The following TMCC1 variants were observed in gnomAD, a reference collection of about 807,000 sequenced individuals.
TMCC1 encodes the protein transmembrane and coiled-coil domain family 1, also known as transmembrane and coiled-coil domains protein 1.
TMCC1 carries 15 observed loss-of-function variants against 52.4 expected under a neutral mutation model. The observed-to-expected ratio is 0.29, with a 90% confidence interval of 0.19 to 0.44. TMCC1 has a LOEUF of 0.44. Ranked by LOEUF, TMCC1 falls within the 20% of genes least tolerant of loss-of-function variation. The probability of loss-of-function intolerance (pLI) is 1.00; values close to 1 mark genes in which losing one functional copy is unlikely to be tolerated. For synonymous variants in TMCC1, 279 were observed against 301.9 expected (o/e 0.92, Z 0.79); for missense variants, 503 against 806.0 (o/e 0.62, Z 4.55).
chr3:129,705,592 C>T (rs185118293), intron 4 of TMCC1, among the ~76,000 whole-genome samples: 67 of 151,724 alleles, frequency 4.4e-4, no homozygotes, highest in African/African-American at 1.6e-3. Flanking sequence ...TTATACTTAA[C>T]CTATTTGAAA....
At chr3:129,735,515 G>A (rs2050882419) in intron 4 of TMCC1, among the ~76,000 whole-genome samples, 1 of 151,860 alleles carries the variant, frequency 6.6e-6, no homozygotes, top group Non-Finnish European at 1.5e-5. Context: ...CAGGTGTTGT[G>A]GCACGCACCT....
chr3:129,660,121 C>T (rs1203169708), intron 5 of TMCC1, among the ~76,000 whole-genome samples: 2 of 152,098 alleles, frequency 1.3e-5, no homozygotes, highest in Non-Finnish European at 2.9e-5. Context: ...TCACTGATTC[C>T]CACTTCTGAC....
chr3:129,829,934 C>A (rs987356704), intron 3 of TMCC1, among the ~76,000 whole-genome samples: 7 of 152,198 alleles, frequency 4.6e-5, no homozygotes, highest in Middle Eastern at 3.2e-3. Context: ...TGTCCATATT[C>A]TTTCATGCCT....
At chr3:129,829,292 T>C (rs1227670380) in intron 3 of TMCC1, among the ~76,000 whole-genome samples, 1 of 151,882 alleles carries the variant, frequency 6.6e-6, no homozygotes, top group Non-Finnish European at 1.5e-5. Flanking sequence ...CATATATCCA[T>C]ACAAACTCAA....
At chr3:129,655,197 G>C in intron 5 of TMCC1, 94 bp from the exon 6 acceptor site, 1 of 1,447,578 alleles carries the variant, frequency 6.9e-7, no homozygotes, top group South Asian at 1.3e-5. Context: ...ATTCTACAAA[G>C]GAATAGAAGC....
intron 4 of TMCC1, among the ~76,000 whole-genome samples, chr3:129,777,839 C>T (rs1242037069): frequency 6.6e-6 from 1 of 152,112 alleles, no homozygotes; most frequent in African/African-American, 2.4e-5. Context: ...ACGAAAAATG[C>T]CAGAATATTT....
chr3:129,809,052 C>T (rs1030446016), intron 4 of TMCC1, among the ~76,000 whole-genome samples: 23 of 151,484 alleles, frequency 1.5e-4, no homozygotes, highest in Admixed American at 1.4e-3. Flanking sequence ...GGCTAACCAT[C>T]CTGGCTAACA....
intron 4 of TMCC1, among the ~76,000 whole-genome samples, chr3:129,793,079 A>C (rs1197810453): frequency 6.6e-6 from 1 of 152,144 alleles, no homozygotes; most frequent in Admixed American, 6.5e-5. Flanking sequence ...AATGTACTAT[A>C]TATATGAAAA....
intron 1 of TMCC1, among the ~76,000 whole-genome samples, chr3:129,888,317 T>C (rs377175681): frequency 3.3e-5 from 5 of 152,214 alleles, no homozygotes; most frequent in Non-Finnish European, 7.3e-5. Context: ...TAGAAACATA[T>C]ATAGATATGT....
intron 4 of TMCC1, among the ~76,000 whole-genome samples, chr3:129,805,417 C>G (rs978814141): frequency 1.3e-5 from 2 of 152,128 alleles, no homozygotes; most frequent in Non-Finnish European, 2.9e-5. Flanking sequence ...CCTACCTTGG[C>G]CTCCTAAAGT....
chr3:129,798,523 C>T (rs1440609013), intron 4 of TMCC1, among the ~76,000 whole-genome samples: 1 of 89,764 alleles, frequency 1.1e-5, no homozygotes, highest in Non-Finnish European at 1.8e-5. Context: ...TTCTTCCTAT[C>T]CAAAAAAAAA....
intron 4 of TMCC1, among the ~76,000 whole-genome samples, chr3:129,796,614 G>A (rs979838226): frequency 3.3e-5 from 5 of 152,152 alleles, no homozygotes; most frequent in African/African-American, 1.2e-4. Flanking sequence ...GACACCAGGA[G>A]TTCAAGACCA....
intron 4 of TMCC1, chr3:129,819,885 T>C (rs977284414): frequency 4.6e-5 from 7 of 151,956 alleles, no homozygotes; most frequent in South Asian, 2.1e-4. Flanking sequence ...TTTATGGACG[T>C]TGGGGTCCTT....
At chr3:129,878,375 G>A (rs945421836) in intron 2 of TMCC1, among the ~76,000 whole-genome samples, 1 of 152,098 alleles carries the variant, frequency 6.6e-6, no homozygotes, top group African/African-American at 2.4e-5. Flanking sequence ...CTCAATAAAT[G>A]ACAACTGCAT....
intron 4 of TMCC1, among the ~76,000 whole-genome samples, chr3:129,716,928 T>G (rs894708025): frequency 1.3e-5 from 2 of 152,246 alleles, no homozygotes; most frequent in Admixed American, 6.5e-5. Context: ...GGTGAGTGGC[T>G]GAGTCTGTGT....
intron 4 of TMCC1, among the ~76,000 whole-genome samples, chr3:129,675,359 T>C (rs1424238960): frequency 6.6e-6 from 1 of 152,242 alleles, no homozygotes; most frequent in Non-Finnish European, 1.5e-5. Context: ...CTGGCTTTGC[T>C]ACTAGCAAGT....
rs554997005 is a variant in TMCC1, at chr3:129,758,511, A to T, written c.576+69292T>A. On this transcript the variant is annotated intron_variant, in intron 4 of 6. Transcript: ENST00000393238. ...CAAATCTTGGTTGCTAAATCCAATA[A>T]AAGGAACCAAGACTCCTTTGAGAAA... Among the ~76,000 whole-genome samples, 8 of 152,356 alleles carry T rather than the reference A, an allele frequency of 5.3e-5. No individual in the cohort carries two copies. The South Asian group carries it at 1.7e-3, about 32-fold the overall frequency.
chr3:129,719,720 G>C (rs1176575648), intron 4 of TMCC1, among the ~76,000 whole-genome samples: 4 of 152,164 alleles, frequency 2.6e-5, no homozygotes, highest in Non-Finnish European at 5.9e-5. Flanking sequence ...TTGTTGAGAG[G>C]ATAGTGGGAG....
chr3:129,756,100 G>GAAAAAAAAAAAAAAA (rs764626470), intron 4 of TMCC1, among the ~76,000 whole-genome samples: 1 of 50,244 alleles, frequency 2.0e-5, no homozygotes, highest in Non-Finnish European at 4.3e-5. Flanking sequence ...TCCATCTCAA[G>GAAAAAAAAAAAAAAA]AAAAAAAAAA....
Sources: gnomAD v4.1 joint callset for allele counts (sites outside exome capture counted in the v4.1 genomes callset) on GRCh38, gnomAD v4.1.1 for gene constraint, MANE v1.5 for transcripts, NCBI Gene and HGNC (gene_info 2026-07-23, HGNC 2026-07-21) for gene names.